Variants in AFG2A observed in about 807,000 individuals in gnomAD.
AFG2A encodes the protein ATPase family gene 2 protein homolog A.
the AFG2A span, among the ~76,000 whole-genome samples, chr4:123,182,821 A>T: frequency 1.3e-5 from 2 of 152,246 alleles, no homozygotes; most frequent in Admixed American, 6.5e-5. Context: ...TTCATATAAT[A>T]AAAGCTGTGC....
At chr4:123,157,718 A>AC in the AFG2A span, among the ~76,000 whole-genome samples, 1 of 152,156 alleles carries the variant, frequency 6.6e-6, no homozygotes, top group African/African-American at 2.4e-5. Context: ...AGCCACATTC[A>AC]CTCCAACTTT....
chr4:123,079,848 C>G, the AFG2A span, among the ~76,000 whole-genome samples: 1 of 137,250 alleles, frequency 7.3e-6, no homozygotes, highest in East Asian at 2.3e-4. Context: ...TTCCTGGGTT[C>G]AAGCGATTCT....
the AFG2A span, among the ~76,000 whole-genome samples, chr4:122,991,555 G>A: frequency 3.7e-3 from 570 of 152,166 alleles, 2 homozygotes; most frequent in African/African-American, 0.013. Flanking sequence ...GTTTTAAGTC[G>A]CTAATTTTTG....
At chr4:123,279,276 C>T in the AFG2A span, among the ~76,000 whole-genome samples, 14 of 151,980 alleles carry the variant, frequency 9.2e-5, no homozygotes, top group Admixed American at 4.6e-4. Flanking sequence ...ATGAGCCGGG[C>T]GTGGTGGCAG....
the AFG2A span, among the ~76,000 whole-genome samples, chr4:122,944,667 T>C: frequency 1.3e-5 from 2 of 151,914 alleles, no homozygotes; most frequent in African/African-American, 4.9e-5. Context: ...AGCTTTGTTC[T>C]GTTGCTGGTG....
chr4:122,970,549 T>C, the AFG2A span, among the ~76,000 whole-genome samples: 1 of 150,328 alleles, frequency 6.7e-6, no homozygotes, highest in Non-Finnish European at 1.5e-5. Flanking sequence ...TTTGTAAATC[T>C]TTTATACTGT....
chr4:123,150,339 C>G, the AFG2A span, among the ~76,000 whole-genome samples: 1 of 152,186 alleles, frequency 6.6e-6, no homozygotes, highest in Non-Finnish European at 1.5e-5. Flanking sequence ...CAAATTGTCT[C>G]TGTTTGCAGA....
chr4:122,924,007 A>G, the AFG2A span, among the ~76,000 whole-genome samples: 1 of 152,234 alleles, frequency 6.6e-6, no homozygotes, highest in African/African-American at 2.4e-5. Flanking sequence ...TATAAATTGA[A>G]TTAAAAATTG....
the AFG2A span, among the ~76,000 whole-genome samples, chr4:123,066,242 A>G: frequency 6.6e-6 from 1 of 152,232 alleles, no homozygotes; most frequent in African/African-American, 2.4e-5. Flanking sequence ...CAGCAGCAGC[A>G]TATCCAGATT....
chr4:123,227,755 C>T, the AFG2A span, among the ~76,000 whole-genome samples: 22 of 152,196 alleles, frequency 1.4e-4, no homozygotes, highest in African/African-American at 4.6e-4. Flanking sequence ...AGTTCAATTC[C>T]TGGGTATCCT....
At chr4:122,985,653 G>A in the AFG2A span, among the ~76,000 whole-genome samples, 1 of 151,692 alleles carries the variant, frequency 6.6e-6, no homozygotes, top group Non-Finnish European at 1.5e-5. Flanking sequence ...TCTTAGTGAG[G>A]TTATTTAGAT....
chr4:122,952,035 T>C, the AFG2A span, among the ~76,000 whole-genome samples: 2 of 152,190 alleles, frequency 1.3e-5, no homozygotes, highest in African/African-American at 4.8e-5. Flanking sequence ...ATTCCCAGAC[T>C]TCAGTTTCTG....
At chr4:123,239,436 G>A in the AFG2A span, among the ~76,000 whole-genome samples, 1 of 152,166 alleles carries the variant, frequency 6.6e-6, no homozygotes, top group African/African-American at 2.4e-5. Context: ...CTGAGAGAAA[G>A]GTCAGATTAC....
the AFG2A span, among the ~76,000 whole-genome samples, chr4:123,202,963 C>T: frequency 6.6e-6 from 1 of 152,042 alleles, no homozygotes; most frequent in African/African-American, 2.4e-5. Context: ...TTCGAGGCTG[C>T]AGTGAGCCGT....
At chr4:123,203,847 G>T in the AFG2A span, among the ~76,000 whole-genome samples, 15 of 152,194 alleles carry the variant, frequency 9.9e-5, no homozygotes, top group South Asian at 2.1e-4. Context: ...CAACACAAAT[G>T]TATCACAGTT....
chr4:123,150,799 C>A, the AFG2A span, among the ~76,000 whole-genome samples: 1 of 152,086 alleles, frequency 6.6e-6, no homozygotes, highest in Non-Finnish European at 1.5e-5. Flanking sequence ...AAAAAATAGC[C>A]CATATAGCCA....
chr4:123,223,045 CA>C, the AFG2A span, among the ~76,000 whole-genome samples: 3 of 152,124 alleles, frequency 2.0e-5, no homozygotes, highest in African/African-American at 7.2e-5. Context: ...TTCTTCTTGA[CA>C]AATACCCAGA....
At chr4:123,104,878 C>G in the AFG2A span, among the ~76,000 whole-genome samples, 1 of 152,160 alleles carries the variant, frequency 6.6e-6, no homozygotes, top group Non-Finnish European at 1.5e-5. Flanking sequence ...AGGAAAGAAG[C>G]TATCTGCATA....
chr4:123,307,198 A>G, the AFG2A span, among the ~76,000 whole-genome samples: 3 of 152,156 alleles, frequency 2.0e-5, no homozygotes, highest in African/African-American at 7.2e-5. Flanking sequence ...TTAGAGACAG[A>G]GTCTTGCAGT....
Sources: allele counts gnomAD v4.1 joint callset (sites outside exome capture counted in the v4.1 genomes callset), GRCh38; gene constraint gnomAD v4.1.1; transcripts MANE v1.5; gene names NCBI Gene and HGNC (gene_info 2026-07-23, HGNC 2026-07-21).